Variants in INSC observed in about 807,000 individuals in gnomAD.
INSC encodes protein inscuteable homolog.
INSC carries 67 observed loss-of-function variants against 58.6 expected under a neutral mutation model. That is an observed-to-expected ratio of 1.14 (90% CI 0.94 to 1.40). The LOEUF (loss-of-function observed/expected upper bound fraction) is 1.40, where lower values mean the gene tolerates loss of function less well. INSC is among the 40% of genes most tolerant of loss of function. The pLI, the probability that INSC is intolerant of heterozygous loss-of-function variation, is 0.00. For missense variants in INSC, 714 were observed against 692.0 expected (o/e 1.03, Z -0.36); for synonymous variants, 262 against 276.1 (o/e 0.95, Z 0.51).
At chr11:15,122,736 C>A (rs1057117679) in intron 1 of INSC, among the ~76,000 whole-genome samples, 3 of 152,158 alleles carry the variant, frequency 2.0e-5, no homozygotes, top group African/African-American at 7.2e-5. Flanking sequence ...CCAGCATCAT[C>A]CTAGTTCATG....
upstream of INSC, among the ~76,000 whole-genome samples, chr11:15,113,106 CTTTT>C (rs1474266585): frequency 2.4e-3 from 311 of 131,916 alleles, 7 homozygotes; most frequent in Middle Eastern, 3.6e-3. Flanking sequence ...CTCTTTCTTT[CTTTT>C]CTCTCTCTCT....
At chr11:15,129,512 A>G (rs1848076085) in intron 1 of INSC, among the ~76,000 whole-genome samples, 1 of 152,192 alleles carries the variant, frequency 6.6e-6, no homozygotes, top group Non-Finnish European at 1.5e-5. Flanking sequence ...ATGGTATTTC[A>G]TATGCATGAA....
chr11:15,164,425 T>A (rs1233837079), intron 2 of INSC, among the ~76,000 whole-genome samples: 3 of 152,302 alleles, frequency 2.0e-5, no homozygotes, highest in Non-Finnish European at 2.9e-5. Flanking sequence ...GAACATCTCG[T>A]TCCTGTGCCT....
intron 2 of INSC, among the ~76,000 whole-genome samples, chr11:15,164,172 A>G (rs143847852): frequency 1.0e-3 from 156 of 151,936 alleles, no homozygotes; most frequent in African/African-American, 3.7e-3. Flanking sequence ...CATTGTAGAG[A>G]TATTATTCTG....
chr11:15,215,436 A>G (rs1341603522), intron 7 of INSC, among the ~76,000 whole-genome samples: 1 of 152,170 alleles, frequency 6.6e-6, no homozygotes, highest in African/African-American at 2.4e-5. Context: ...AACTAAGCTG[A>G]GCATCCCCTG....
intron 12 of INSC, among the ~76,000 whole-genome samples, chr11:15,245,336 T>C (rs1027766527): frequency 4.6e-5 from 7 of 152,100 alleles, no homozygotes; most frequent in Admixed American, 1.3e-4. Flanking sequence ...AGGTAGAGCA[T>C]TGGGCTGAAG....
chr11:15,238,825 CT>C, intron 10 of INSC, 93 bp from the exon 11 acceptor site: 1 of 1,344,788 alleles, frequency 7.4e-7, no homozygotes, highest in Non-Finnish European at 1.0e-6. Context: ...TCCTGACAGC[CT>C]TTGCTTGCAC....
chr11:15,267,631 T>C, the INSC span, among the ~76,000 whole-genome samples: 3 of 151,978 alleles, frequency 2.0e-5, no homozygotes, highest in African/African-American at 7.2e-5. Context: ...TGCTCTTTCT[T>C]CTACCTTCTT....
intron 1 of INSC, among the ~76,000 whole-genome samples, chr11:15,135,510 A>C (rs1056890427): frequency 1.3e-5 from 2 of 152,224 alleles, no homozygotes; most frequent in Non-Finnish European, 2.9e-5. Flanking sequence ...TGGTTGTAGA[A>C]TAGGTGATGG....
Position 15,200,944 on chromosome 11 carries a change from G to A in INSC, c.814G>A (p.Glu272Lys), listed in dbSNP as rs1160165973. The change falls in exon 7 of 13, where the codon GAG becomes AAG. Residue 272 changes from glutamate (E) to lysine (K), a missense_variant. Glu to Lys is a moderately conservative substitution (Grantham distance 56). Coordinates refer to ENST00000379556, the MANE Select transcript of INSC (RefSeq NM_001042536.3). Reference sequence around the variant, plus strand: ...CGTGGAAGAGGGTGTCCACCAGCTGGAGAAGGTAAGGACAGCTGGCTGGGT... The same window carrying A: ...CGTGGAAGAGGGTGTCCACCAGCTGAAGAAGGTAAGGACAGCTGGCTGGGT... Reference protein sequence around the residue: ...CCVEEGVHQLEKVDGVLCLAD... With the variant: ...CCVEEGVHQLKKVDGVLCLAD... 1.2e-6 allele frequency: 2 copies of A among 1,603,498 alleles called. No individual in the cohort carries two copies. The highest frequency in any genetic ancestry group is 1.7e-5 in the Admixed American group (1 of 58,262).
chr11:15,205,107 T>C (rs916958261), intron 7 of INSC, among the ~76,000 whole-genome samples: 1 of 152,236 alleles, frequency 6.6e-6, no homozygotes, highest in African/African-American at 2.4e-5. Context: ...TCACTTACTT[T>C]TAAACTCACT....
At position 15,137,389 on chromosome 11, in the gene INSC, T is replaced by C. The variant is rs577476619; in HGVS notation, c.-45-11741T>C. Among the ~76,000 whole-genome samples, 11 of 152,344 alleles carry C rather than the reference T, an allele frequency of 7.2e-5. No homozygotes were observed. The South Asian group carries it at 2.1e-3, about 29-fold the overall frequency. The stretch of plus-strand genomic sequence containing the variant: ...GCCCTTTGAAACTTTGAAACCAGGC[T>C]TTGATTTCTCCTCTCTAGCTATGAA... On this transcript the variant is annotated intron_variant, in intron 1 of 12. Coordinates refer to ENST00000379556, the MANE Select transcript of INSC (RefSeq NM_001042536.3).
At chr11:15,268,994 A>C in the INSC span, among the ~76,000 whole-genome samples, 75 of 152,198 alleles carry the variant, frequency 4.9e-4, no homozygotes, top group Admixed American at 8.5e-4. Context: ...ATACAGAGAA[A>C]TACAAGGTAT....
intron 1 of INSC, among the ~76,000 whole-genome samples, chr11:15,127,751 G>A (rs1272678498): frequency 6.6e-6 from 1 of 152,150 alleles, no homozygotes; most frequent in African/African-American, 2.4e-5. Flanking sequence ...CAAGCAAGGT[G>A]GATGGAACTT....
At chr11:15,204,140 G>A (rs1187355959) in intron 7 of INSC, among the ~76,000 whole-genome samples, 3 of 152,190 alleles carry the variant, frequency 2.0e-5, no homozygotes, top group African/African-American at 7.2e-5. Context: ...AACATATATC[G>A]AATACTTGCT....
chr11:15,241,243 A>G (rs1852338632), intron 12 of INSC, among the ~76,000 whole-genome samples: 1 of 152,234 alleles, frequency 6.6e-6, no homozygotes. Flanking sequence ...AAGCCACTCT[A>G]TAAACACAAC....
intron 9 of INSC, among the ~76,000 whole-genome samples, chr11:15,229,959 T>TAATA (rs1332890613): frequency 0.14 from 1,815 of 12,800 alleles, 251 homozygotes; most frequent in African/African-American, 0.32. Context: ...TATATATATA[T>TAATA]TTATATATAT....
chr11:15,124,643 A>T (rs1404683456), intron 1 of INSC, among the ~76,000 whole-genome samples: 2 of 152,074 alleles, frequency 1.3e-5, no homozygotes, highest in South Asian at 2.1e-4. Flanking sequence ...GGCATTTAGA[A>T]ACCAGGCAGT....
chr11:15,179,155 C>A (rs986962574), intron 5 of INSC, among the ~76,000 whole-genome samples: 4 of 152,164 alleles, frequency 2.6e-5, no homozygotes, highest in African/African-American at 9.7e-5. Flanking sequence ...TCGTTTTCCT[C>A]CTCTATAAAT....
Sources: gnomAD v4.1 joint callset for allele counts (sites outside exome capture counted in the v4.1 genomes callset) on GRCh38, gnomAD v4.1.1 for gene constraint, MANE v1.5 for transcripts, NCBI Gene and HGNC (gene_info 2026-07-23, HGNC 2026-07-21) for gene names.